IFT57: variants seen among roughly 807,000 people sequenced by gnomAD.
IFT57 encodes intraflagellar transport 57, also known as intraflagellar transport protein 57 homolog.
IFT57 carries 59 observed loss-of-function variants against 56.8 expected under a neutral mutation model. That is an observed-to-expected ratio of 1.04 (90% confidence interval 0.84 to 1.29). The LOEUF (loss-of-function observed/expected upper bound fraction) is 1.29, where lower values mean the gene tolerates loss of function less well. Ranked by LOEUF, IFT57 falls within the 50% of genes most tolerant of loss-of-function variation. IFT57 has a pLI of 0.00. For synonymous variants in IFT57, 209 were observed against 186.1 expected (o/e 1.12, Z -1.00); for missense variants, 470 against 522.1 (o/e 0.90, Z 0.97).
chr3:108,167,876 G>C lies in IFT57; in HGVS notation c.778-12C>G, dbSNP rs747090894. The C allele has an allele frequency of 1.7e-5, 27 of 1,559,270 alleles. No individual in the cohort carries two copies. The highest frequency in any genetic ancestry group is 2.1e-5 in the Non-Finnish European group (24 of 1,152,226). On this transcript the variant is annotated splice_polypyrimidine_tract_variant and intron_variant, in intron 6 of 10. Coordinates refer to ENST00000264538, the MANE Select transcript of IFT57 (RefSeq NM_018010.4). ...TGGATTCTCCAATCCTACAGGCATAGAGCACATAGAAATAATGTAAAAAAT... is the reference window on the plus strand; with the variant it reads ...TGGATTCTCCAATCCTACAGGCATACAGCACATAGAAATAATGTAAAAAAT...
In IFT57 at chr3:108,222,207, T is replaced by C. The variant is rs575514136; in HGVS notation, c.116A>G (p.His39Arg). 3.1e-6 allele frequency: 5 copies of C among 1,614,102 alleles called. No individual in the cohort carries two copies. Among genetic ancestry groups the C allele is most frequent in the Admixed American group, 3.3e-5 (2 of 60,030 alleles). The change falls in exon 1 of 11, where the codon CAC (histidine) becomes CGC (arginine). Residue 39 changes from histidine (H) to arginine (R), a missense_variant. Coordinates refer to ENST00000264538, the MANE Select transcript of IFT57 (RefSeq NM_018010.4). The part of the protein sequence containing the change: ...VLERGPGAAY[H>R]MFVVMEDLVE... ...CAAGTCCTCCATCACCACGAACATG[T>C]GGTAGGCCGCGCCGGGCCCCCGCTC...
intron 1 of IFT57, 168 bp downstream of exon 1, chr3:108,221,943 C>G (rs933306649): frequency 1.6e-5 from 21 of 1,346,696 alleles, no homozygotes; most frequent in Non-Finnish European, 2.0e-5. Context: ...GCTGCGTGAG[C>G]TCCACGGACC....
At chr3:108,206,039 AAT>A (rs1237578327) in intron 5 of IFT57, among the ~76,000 whole-genome samples, 1 of 121,636 alleles carries the variant, frequency 8.2e-6, no homozygotes, top group Non-Finnish European at 1.7e-5. Flanking sequence ...TATTATTTAT[AAT>A]ATATATTATA....
At chr3:108,172,338 T>C (rs2080098263) in intron 6 of IFT57, among the ~76,000 whole-genome samples, 1 of 151,858 alleles carries the variant, frequency 6.6e-6, no homozygotes, top group Non-Finnish European at 1.5e-5. Context: ...CTGGGGAGGA[T>C]GGATCACAAG....
chr3:108,190,145 T>C (rs1446405152), intron 6 of IFT57, among the ~76,000 whole-genome samples: 5 of 152,190 alleles, frequency 3.3e-5, no homozygotes, highest in African/African-American at 1.2e-4. Flanking sequence ...TTTTACAGGC[T>C]ACTAGGTGGA....
At chr3:108,181,636 T>C (rs1488277500) in intron 6 of IFT57, among the ~76,000 whole-genome samples, 2 of 152,116 alleles carry the variant, frequency 1.3e-5, no homozygotes, top group Non-Finnish European at 2.9e-5. Context: ...ATAGCAGGTG[T>C]TTCAAGGATA....
chr3:108,194,772 A>T (rs946920999), intron 5 of IFT57, among the ~76,000 whole-genome samples: 2 of 152,192 alleles, frequency 1.3e-5, no homozygotes, highest in African/African-American at 4.8e-5. Context: ...GGTGCTGGAA[A>T]AACTGGATAT....
intron 5 of IFT57, among the ~76,000 whole-genome samples, chr3:108,206,095 T>C (rs1225323615): frequency 7.4e-6 from 1 of 134,604 alleles, no homozygotes; most frequent in African/African-American, 2.8e-5. Flanking sequence ...ATAATATATA[T>C]TGATATATAA....
chr3:108,193,790 A>G (rs1340970995), intron 5 of IFT57, among the ~76,000 whole-genome samples: 3 of 152,250 alleles, frequency 2.0e-5, no homozygotes, highest in Non-Finnish European at 4.4e-5. Context: ...GTTCTCTGCC[A>G]TGTAAATCCA....
chr3:108,164,343 T>C (rs927141870), intron 9 of IFT57, among the ~76,000 whole-genome samples: 2 of 152,092 alleles, frequency 1.3e-5, no homozygotes, highest in Admixed American at 6.6e-5. Context: ...ACCTCTATTA[T>C]TAGCAAAATT....
At chr3:108,190,514 C>G (rs2080209799) in intron 6 of IFT57, among the ~76,000 whole-genome samples, 1 of 152,206 alleles carries the variant, frequency 6.6e-6, no homozygotes, top group Non-Finnish European at 1.5e-5. Flanking sequence ...CTTCCTGCGG[C>G]CTTGTAAAGA....
intron 6 of IFT57, among the ~76,000 whole-genome samples, chr3:108,178,338 A>T (rs1431629601): frequency 6.6e-6 from 1 of 151,914 alleles, no homozygotes; most frequent in Non-Finnish European, 1.5e-5. Flanking sequence ...TTAAAAAAGA[A>T]AACAGTCTGA....
chr3:108,197,487 G>A (rs2080250167), intron 5 of IFT57, among the ~76,000 whole-genome samples: 1 of 152,144 alleles, frequency 6.6e-6, no homozygotes, highest in Admixed American at 6.5e-5. Context: ...CACCATCGAA[G>A]TCAGTTCAAG....
At chr3:108,198,423 GGTGT>G in intron 5 of IFT57, among the ~76,000 whole-genome samples, 1 of 152,000 alleles carries the variant, frequency 6.6e-6, no homozygotes, top group East Asian at 1.9e-4. Context: ...CCTCATGTTT[GGTGT>G]GTGCGTGTGT....
At chr3:108,221,172 G>T (rs997744194) in intron 1 of IFT57, among the ~76,000 whole-genome samples, 7 of 152,092 alleles carry the variant, frequency 4.6e-5, no homozygotes, top group Non-Finnish European at 8.8e-5. Context: ...CAAGTTATTG[G>T]AAGACAGCAG....
At chr3:108,200,911 T>C (rs2080275293) in intron 5 of IFT57, among the ~76,000 whole-genome samples, 1 of 152,196 alleles carries the variant, frequency 6.6e-6, no homozygotes. Context: ...TAGTCTTCTA[T>C]GGCACATAAG....
chr3:108,180,969 A>T (rs2080148623), intron 6 of IFT57, among the ~76,000 whole-genome samples: 1 of 152,054 alleles, frequency 6.6e-6, no homozygotes. Context: ...GTGAGGCATT[A>T]GCAACTTCCC....
intron 5 of IFT57, among the ~76,000 whole-genome samples, chr3:108,205,773 ATAT>A (rs1209187868): frequency 2.4e-4 from 34 of 141,780 alleles, no homozygotes; most frequent in Non-Finnish European, 4.7e-4. Context: ...AATATATAAA[ATAT>A]TATAACATAT....
chr3:108,176,146 A>G (rs1442336180), intron 6 of IFT57, among the ~76,000 whole-genome samples: 1 of 151,888 alleles, frequency 6.6e-6, no homozygotes, highest in Non-Finnish European at 1.5e-5. Flanking sequence ...ATTACCGGTG[A>G]AACCTTAATT....
Sources: gnomAD v4.1 joint callset for allele counts (sites outside exome capture counted in the v4.1 genomes callset) on GRCh38, gnomAD v4.1.1 for gene constraint, MANE v1.5 for transcripts, NCBI Gene and HGNC (gene_info 2026-07-23, HGNC 2026-07-21) for gene names.